Variants in DENND1A observed in about 807,000 individuals in gnomAD.
DENND1A encodes DENN domain-containing protein 1A.
In DENND1A, 51 loss-of-function variants were observed where a neutral mutation model predicts 113.7. That is an observed-to-expected ratio of 0.45 (90% CI 0.36 to 0.57). The LOEUF (loss-of-function observed/expected upper bound fraction) is 0.57, where lower values mean the gene tolerates loss of function less well. DENND1A is among the 20% of genes least tolerant of loss of function. The pLI is 0.00. For synonymous variants in DENND1A, 565 were observed against 570.8 expected (o/e 0.99, Z 0.14); for missense variants, 1,258 against 1,395.9 (o/e 0.90, Z 1.57).
At chr9:123,629,196 G>A (rs1162402251) in intron 10 of DENND1A, among the ~76,000 whole-genome samples, 1 of 152,190 alleles carries the variant, frequency 6.6e-6, no homozygotes, top group African/African-American at 2.4e-5. Context: ...CCGAACCAGT[G>A]GTCAGTGTCC....
intron 1 of DENND1A, among the ~76,000 whole-genome samples, chr9:123,923,515 A>C (rs2134189861): frequency 6.6e-6 from 1 of 152,350 alleles, no homozygotes; most frequent in East Asian, 1.9e-4. Flanking sequence ...GCAGAGAGAT[A>C]CGTTAGTTGT....
At chr9:123,836,685 T>C (rs1021292205) in intron 2 of DENND1A, among the ~76,000 whole-genome samples, 1 of 152,122 alleles carries the variant, frequency 6.6e-6, no homozygotes, top group African/African-American at 2.4e-5. Flanking sequence ...AATACTAAAA[T>C]GTTACTGCAT....
At chr9:123,455,611 T>C (rs2048058099) in intron 15 of DENND1A, among the ~76,000 whole-genome samples, 1 of 152,194 alleles carries the variant, frequency 6.6e-6, no homozygotes, top group African/African-American at 2.4e-5. Context: ...TGGGAAGTAC[T>C]GTGAGGGGCA....
chr9:123,732,249 G>A (rs1196650048), intron 5 of DENND1A, among the ~76,000 whole-genome samples: 3 of 152,190 alleles, frequency 2.0e-5, no homozygotes, highest in African/African-American at 7.2e-5. Flanking sequence ...GCAAATGTTT[G>A]TAACAGTTTT....
At chr9:123,545,393 TG>T in intron 13 of DENND1A, among the ~76,000 whole-genome samples, 1 of 152,148 alleles carries the variant, frequency 6.6e-6, no homozygotes, top group South Asian at 2.1e-4. Flanking sequence ...GATATCATAA[TG>T]TCCTATACAG....
intron 2 of DENND1A, among the ~76,000 whole-genome samples, chr9:123,877,349 C>A (rs559265983): frequency 6.6e-6 from 1 of 151,790 alleles, no homozygotes; most frequent in East Asian, 1.9e-4. Context: ...ATTAGCCGGA[C>A]GTGGTGGTGG....
chr9:123,776,102 A>C (rs1182613540), intron 3 of DENND1A, among the ~76,000 whole-genome samples: 2 of 152,150 alleles, frequency 1.3e-5, no homozygotes, highest in African/African-American at 2.4e-5. Context: ...CACAAAATCC[A>C]TTCTAATTGT....
chr9:123,645,210 T>C (rs1221394596), intron 9 of DENND1A, among the ~76,000 whole-genome samples: 1 of 152,204 alleles, frequency 6.6e-6, no homozygotes, highest in Non-Finnish European at 1.5e-5. Context: ...TTGTCTCTAT[T>C]GACACAGCCA....
intron 2 of DENND1A, among the ~76,000 whole-genome samples, chr9:123,856,138 A>C (rs370378794): frequency 2.7e-4 from 41 of 152,348 alleles, no homozygotes; most frequent in African/African-American, 8.9e-4. Flanking sequence ...GGAGAAAAAA[A>C]CATAGGAAAA....
intron 5 of DENND1A, among the ~76,000 whole-genome samples, chr9:123,679,593 G>C (rs934957018): frequency 6.6e-6 from 1 of 152,188 alleles, no homozygotes; most frequent in Non-Finnish European, 1.5e-5. Flanking sequence ...GCAGTGTTAA[G>C]GTTTTGAAAC....
intron 8 of DENND1A, among the ~76,000 whole-genome samples, chr9:123,662,305 T>C (rs2063281149): frequency 1.3e-5 from 2 of 152,242 alleles, no homozygotes; most frequent in Non-Finnish European, 1.5e-5. Flanking sequence ...CTCACACTTG[T>C]AATTCCAGCA....
intron 1 of DENND1A, among the ~76,000 whole-genome samples, chr9:123,921,912 C>CTTTTTTT (rs113646800): frequency 1.1e-4 from 16 of 143,696 alleles, no homozygotes; most frequent in African/African-American, 1.5e-4. Context: ...CAAAGCCATC[C>CTTTTTTT]TTTTTTTTTT....
rs1237897716 is a variant in DENND1A at position 123,677,277 on chromosome 9, C to T, written c.303-488G>A. On this transcript the variant is annotated intron_variant, in intron 5 of 23. Transcript: ENST00000394215. Reference sequence around the variant, plus strand: ...CCATGTTGCTGCAACAGACATTCTACCCATCACACACCATCTCTCTATCTA... The same window carrying T: ...CCATGTTGCTGCAACAGACATTCTATCCATCACACACCATCTCTCTATCTA... Among the ~76,000 whole-genome samples, 2 of 152,196 alleles carry T rather than the reference C, an allele frequency of 1.3e-5. 1 individual carries two copies. Among genetic ancestry groups the T allele is most frequent in the Non-Finnish European group, 2.9e-5 (2 of 68,042 alleles).
chr9:123,630,716 G>A (rs1233245751), intron 9 of DENND1A, among the ~76,000 whole-genome samples: 1 of 151,986 alleles, frequency 6.6e-6, no homozygotes, highest in Non-Finnish European at 1.5e-5. Flanking sequence ...TTTTAAAATG[G>A]TGAAAGGGAT....
At chr9:123,500,221 G>T (rs1490117258) in intron 13 of DENND1A, among the ~76,000 whole-genome samples, 2 of 152,178 alleles carry the variant, frequency 1.3e-5, no homozygotes, top group African/African-American at 2.4e-5. Flanking sequence ...ACCTGGATAT[G>T]CCATGATCTT....
At chr9:123,387,997 G>T in intron 21 of DENND1A, 139 bp from the exon 22 acceptor site, 1 of 858,596 alleles carries the variant, frequency 1.2e-6, no homozygotes, top group Non-Finnish European at 1.6e-6. Flanking sequence ...GGGGCTCTCA[G>T]GAGAGGAAGC....
intron 1 of DENND1A, among the ~76,000 whole-genome samples, chr9:123,929,631 C>A (rs1255568140): frequency 1.3e-5 from 2 of 152,078 alleles, no homozygotes; most frequent in African/African-American, 4.8e-5. Context: ...GAGGGGGCCG[C>A]CCTGTAATCT....
intron 3 of DENND1A, among the ~76,000 whole-genome samples, chr9:123,779,731 C>T (rs558618721): frequency 4.6e-5 from 7 of 152,182 alleles, no homozygotes; most frequent in African/African-American, 1.7e-4. Flanking sequence ...AACTCCTGAA[C>T]TCAAGCGATT....
chr9:123,894,092 C>A (rs774459428), intron 1 of DENND1A, among the ~76,000 whole-genome samples: 20 of 152,306 alleles, frequency 1.3e-4, no homozygotes, highest in Non-Finnish European at 2.8e-4. Flanking sequence ...TTACCTACTA[C>A]ACTGGGAACT....
Sources: allele counts gnomAD v4.1 joint callset (sites outside exome capture counted in the v4.1 genomes callset), GRCh38; gene constraint gnomAD v4.1.1; transcripts MANE v1.5; gene names NCBI Gene and HGNC (gene_info 2026-07-23, HGNC 2026-07-21).